TMEM9B: variants seen among roughly 807,000 people sequenced by gnomAD.
TMEM9B encodes the protein transmembrane protein 9B.
TMEM9B carries 8 observed loss-of-function variants against 23.5 expected under a neutral mutation model. The observed-to-expected ratio is 0.34, with a 90% CI of 0.20 to 0.61. TMEM9B has a LOEUF of 0.61. Ranked by LOEUF, TMEM9B falls within the 20% of genes least tolerant of loss-of-function variation. TMEM9B has a pLI of 0.78. For synonymous variants in TMEM9B, 106 were observed against 96.3 expected (o/e 1.10, Z -0.59); for missense variants, 197 against 252.3 (o/e 0.78, Z 1.49).
chr11:8,964,286 G>A lies in TMEM9B; in HGVS notation c.28C>T (p.Arg10Trp), dbSNP rs1427830673. The change falls in exon 1 of 5, where the codon CGG becomes TGG. Residue 10 changes from arginine (R) to tryptophan (W), a missense_variant. Around this residue, in one of 2 missense-constraint regions of TMEM9B, gnomAD observed 56 missense variants for 38.2 expected, o/e 1.46. Coordinates refer to ENST00000534025, the MANE Select transcript of TMEM9B (RefSeq NM_020644.3). ...GACAGGCTGAGCAAGGAGCCAAGCCGAAGAAGGCCTCCCCACAGGGTCGCC... is the reference window on the plus strand; with the variant it reads ...GACAGGCTGAGCAAGGAGCCAAGCCAAAGAAGGCCTCCCCACAGGGTCGCC... MATLWGGLL[R>W]LGSLLSLSCL... 3 of 1,591,990 alleles carry A rather than the reference G, an allele frequency of 1.9e-6. No individual in the cohort carries two copies. Among genetic ancestry groups the A allele is most frequent in the Admixed American group, 1.8e-5 (1 of 57,008 alleles).
intron 3 of TMEM9B, among the ~76,000 whole-genome samples, chr11:8,953,824 T>G (rs925075556): frequency 4.6e-5 from 7 of 152,210 alleles, no homozygotes; most frequent in African/African-American, 1.7e-4. Flanking sequence ...CCTCATACGC[T>G]GTGGTGGGAA....
At chr11:8,950,322 G>A (rs1215293385) in intron 4 of TMEM9B, among the ~76,000 whole-genome samples, 1 of 151,946 alleles carries the variant, frequency 6.6e-6, no homozygotes, top group Non-Finnish European at 1.5e-5. Context: ...GACACTATAA[G>A]AATATGGTGC....
At chr11:8,954,830 TG>T (rs1180626750) in intron 3 of TMEM9B, among the ~76,000 whole-genome samples, 1 of 151,880 alleles carries the variant, frequency 6.6e-6, no homozygotes, top group East Asian at 1.9e-4. Flanking sequence ...CAGGGCCTTT[TG>T]GGGGGAAAGG....
At chr11:8,960,411 G>A (rs922590272) in intron 2 of TMEM9B, among the ~76,000 whole-genome samples, 3 of 151,986 alleles carry the variant, frequency 2.0e-5, no homozygotes, top group African/African-American at 7.2e-5. Context: ...CAAAGTGCTG[G>A]GATTACAGGT....
intron 2 of TMEM9B, 105 bp from the exon 3 acceptor site, chr11:8,956,403 A>G: frequency 1.4e-6 from 1 of 739,696 alleles, no homozygotes; most frequent in Non-Finnish European, 2.2e-6. Flanking sequence ...TTACCCAATG[A>G]AAGAGCATAA....
intron 2 of TMEM9B, among the ~76,000 whole-genome samples, chr11:8,958,656 C>G (rs1355758449): frequency 6.7e-6 from 1 of 149,678 alleles, no homozygotes; most frequent in African/African-American, 2.5e-5. Context: ...AACACAACCT[C>G]TTCCTCCAGG....
In TMEM9B at chr11:8,952,247, T is replaced by TAG. The variant is rs760980883; in HGVS notation, c.441+955_441+956insCT. On this transcript the variant is annotated intron_variant, in intron 4 of 4. Transcript: ENST00000534025. ...CAATTTATACAGATTATGCCAACTA[T>TAG]ATACACACACACACACACACACACA... is the stretch of plus-strand genomic sequence containing the variant. 8.5e-3 allele frequency among the ~76,000 whole-genome samples: 333 copies of TAG among 38,986 alleles called. 1 individual carries two copies. The highest frequency in any genetic ancestry group is 0.016 in the African/African-American group (315 of 19,708). The allele number at this position is 38,986 out of a possible 152,430, so 25.6% of individuals were successfully genotyped here.
chr11:8,960,297 A>G (rs1854053062), intron 2 of TMEM9B, among the ~76,000 whole-genome samples: 1 of 152,044 alleles, frequency 6.6e-6, no homozygotes, highest in Non-Finnish European at 1.5e-5. Flanking sequence ...GTGTGCCACC[A>G]TGCCCAGCTA....
chr11:8,962,914 G>A (rs1159981874), intron 1 of TMEM9B: 1 of 152,266 alleles, frequency 6.6e-6, no homozygotes, highest in Admixed American at 6.5e-5. Flanking sequence ...GAAGGAAGTG[G>A]CTTATCATTC....
intron 2 of TMEM9B, among the ~76,000 whole-genome samples, chr11:8,959,956 C>T (rs987038346): frequency 2.6e-4 from 40 of 152,008 alleles, no homozygotes; most frequent in Admixed American, 2.2e-3. Flanking sequence ...CCTCGTAAAG[C>T]CATAATTCTG....
rs917178003 is a variant in TMEM9B at position 8,948,557 on chromosome 11, A to G, written c.442-82T>C. ...CACACAACAGTGACCAGCCCGCCAC[A>G]GAAATAGGGGTAGGTGGACTTTTCA... is the stretch of plus-strand genomic sequence containing the variant. On this transcript the variant is annotated intron_variant, in intron 4 of 4. Coordinates refer to ENST00000534025, the MANE Select transcript of TMEM9B (RefSeq NM_020644.3). 4.0e-6 allele frequency: 6 copies of G among 1,493,948 alleles called. No individual in the cohort carries two copies. In the African/African-American group the frequency reaches 5.6e-5, roughly 14 times the overall value. 92.5% of individuals were successfully genotyped at this position (1,493,948 alleles called of 1,614,324 possible).
chr11:8,948,154 C>T lies in TMEM9B; in HGVS notation c.*166G>A, dbSNP rs1212985700. ...GCTTTTAAAAATGTCTCTATTATTA[C>T]GTTAACAAGAAAAAAAAATCAAGCA... is the stretch of plus-strand genomic sequence containing the variant. On this transcript the variant is annotated 3_prime_UTR_variant, in exon 5 of 5. Coordinates refer to ENST00000534025, the MANE Select transcript of TMEM9B (RefSeq NM_020644.3). 7.8e-6 allele frequency: 6 copies of T among 771,564 alleles called. No individual in the cohort carries two copies. Among genetic ancestry groups the T allele is most frequent in the East Asian group, 2.8e-5 (1 of 36,316 alleles). The allele number at this position is 771,564 out of a possible 1,614,324, so 47.8% of individuals were successfully genotyped here.
intron 3 of TMEM9B, 29 bp from the exon 4 acceptor site, chr11:8,953,366 C>T (rs773654147): frequency 1.9e-6 from 3 of 1,608,856 alleles, no homozygotes; most frequent in East Asian, 4.5e-5. Context: ...TAAGTTACAT[C>T]TTTGTTCAAG....
At chr11:8,953,137 C>T (rs1374657179) in intron 4 of TMEM9B, 66 bp downstream of exon 4, 1 of 1,605,680 alleles carries the variant, frequency 6.2e-7, no homozygotes, top group Admixed American at 1.7e-5. Flanking sequence ...CTATTTTTCA[C>T]TTGCACTTCA....
chr11:8,961,859 C>T (rs185937469), intron 2 of TMEM9B, among the ~76,000 whole-genome samples: 1 of 152,256 alleles, frequency 6.6e-6, no homozygotes, highest in Non-Finnish European at 1.5e-5. Context: ...GTCATATGCT[C>T]CCATGAAACT....
chr11:8,964,288 A>G lies in TMEM9B; in HGVS notation c.26T>C (p.Leu9Pro), dbSNP rs374847396. ...CAGGCTGAGCAAGGAGCCAAGCCGA[A>G]GAAGGCCTCCCCACAGGGTCGCCAT... MATLWGGLLRLGSLLSLSC... is the reference protein window; with the variant it reads MATLWGGLPRLGSLLSLSC... Residue 9 changes from leucine to proline, a missense_variant, in exon 1 of 5, where the codon CTT becomes CCT. Leu to Pro is a moderately conservative substitution (Grantham distance 98). Around this residue, in one of 2 missense-constraint regions of TMEM9B, gnomAD observed 56 missense variants for 38.2 expected, o/e 1.46. Coordinates refer to ENST00000534025, the MANE Select transcript of TMEM9B (RefSeq NM_020644.3). 1.6e-4 allele frequency: 260 copies of G among 1,591,802 alleles called. 6 individuals are homozygous for G. In the South Asian group the frequency reaches 2.6e-3, roughly 16 times the overall value.
chr11:8,962,048 A>G, intron 2 of TMEM9B, 44 bp downstream of exon 2: 3 of 1,278,968 alleles, frequency 2.3e-6, no homozygotes, highest in Non-Finnish European at 3.3e-6. Flanking sequence ...ACTGACAACC[A>G]CAGAAACAAA....
At chr11:8,952,850 G>A (rs1011712717) in intron 4 of TMEM9B, 1 of 459,482 alleles carries the variant, frequency 2.2e-6, no homozygotes, top group African/African-American at 2.0e-5. Context: ...AAAATATTTG[G>A]TGATATTGAC....
Position 8,957,398 on chromosome 11 carries a change from T to A in TMEM9B, c.198-1100A>T, listed in dbSNP as rs928376943. On this transcript the variant is annotated intron_variant, in intron 2 of 4. Transcript: ENST00000534025. This position sits in a 1 kb window ranked among gnomAD's most constrained non-coding sequence, Gnocchi z 4.3. ...TATTATTCTCCTCAACTATTAAGAG[T>A]CTATGACTCTGATCACCTTCAGCAA... Among the ~76,000 whole-genome samples the A allele has an allele frequency of 6.6e-5, 10 of 152,218 alleles. No homozygotes were observed. Among genetic ancestry groups the A allele is most frequent in the African/African-American group, 2.4e-4 (10 of 41,456 alleles).
Sources: allele counts gnomAD v4.1 joint callset (sites outside exome capture counted in the v4.1 genomes callset), GRCh38; gene constraint gnomAD v4.1.1; regional missense constraint gnomAD v4.1.1; non-coding constraint Gnocchi (gnomAD v3.1); transcripts MANE v1.5; gene names NCBI Gene and HGNC (gene_info 2026-07-23, HGNC 2026-07-21).